CHD6: variants seen among roughly 807,000 people sequenced by gnomAD.
CHD6 encodes the protein chromodomain helicase DNA binding protein 6, also known as ATP-dependent chromatin remodeler CHD6.
CHD6 carries 50 observed loss-of-function variants against 276.9 expected under a neutral mutation model. That is an observed-to-expected ratio of 0.18 (90% CI 0.14 to 0.23). The LOEUF is 0.23. Ranked by LOEUF, CHD6 falls within the 10% of genes least tolerant of loss-of-function variation. The pLI is 1.00. For synonymous variants in CHD6, 1,173 were observed against 1,229.3 expected (o/e 0.95, Z 0.96); for missense variants, 2,564 against 3,365.8 (o/e 0.76, Z 5.89).
chr20:41,484,564 C>T lies in CHD6; in HGVS notation c.2045G>A (p.Arg682Gln). The change falls in exon 15 of 37, where the codon CGG (arginine) becomes CAG (glutamine). Residue 682 changes from arginine to glutamine, a missense_variant. Physicochemically the swap from Arg to Gln is conservative, Grantham distance 43 (BLOSUM62 1). Coordinates refer to ENST00000373233, the MANE Select transcript of CHD6 (RefSeq NM_032221.5). ...GTTCTTTTCCACATCATCTTTCAGC[C>T]GCCGAAGCATCATTGGTTTTAGGAT... ...QSILKPMMLR[R>Q]LKDDVEKNLA... The T allele has an allele frequency of 6.2e-7, 1 of 1,613,760 alleles. No homozygotes were observed. Among genetic ancestry groups the T allele is most frequent in the Non-Finnish European group, 8.5e-7 (1 of 1,179,826 alleles).
intron 32 of CHD6, among the ~76,000 whole-genome samples, 186 bp downstream of exon 32, chr20:41,417,012 A>G (rs773570762): frequency 1.3e-5 from 2 of 152,244 alleles, no homozygotes; most frequent in African/African-American, 4.8e-5. Context: ...TGACACCTTC[A>G]TCTTACAGTC....
intron 12 of CHD6, 81 bp downstream of exon 12, chr20:41,489,697 T>G: frequency 1.3e-6 from 2 of 1,569,482 alleles, no homozygotes. Flanking sequence ...TGCAGGGCAC[T>G]GGAACTTCTG....
At chr20:41,527,866 G>A (rs1192078685) in intron 3 of CHD6, among the ~76,000 whole-genome samples, 1 of 152,150 alleles carries the variant, frequency 6.6e-6, no homozygotes, top group South Asian at 2.1e-4. Context: ...GATGAATATT[G>A]TTATCACAGG....
intron 17 of CHD6, among the ~76,000 whole-genome samples, chr20:41,468,185 G>A (rs938113244): frequency 6.7e-6 from 1 of 149,862 alleles, no homozygotes; most frequent in Non-Finnish European, 1.5e-5. Context: ...TCTTGGCTCA[G>A]TGCAACCTCC....
intron 5 of CHD6, among the ~76,000 whole-genome samples, chr20:41,501,890 AAC>A (rs61483629): frequency 0.23 from 34,686 of 152,024 alleles, 4,095 homozygotes; most frequent in East Asian, 0.39. Flanking sequence ...TTTTCCTGAT[AAC>A]AGAGGATGCT....
intron 1 of CHD6, among the ~76,000 whole-genome samples, chr20:41,573,608 G>C (rs1231501394): frequency 6.6e-6 from 1 of 152,058 alleles, no homozygotes; most frequent in Non-Finnish European, 1.5e-5. Context: ...AGAGGGTTAA[G>C]ACCTATGATC....
At chr20:41,566,688 C>T (rs1230465049) in intron 1 of CHD6, among the ~76,000 whole-genome samples, 1 of 152,198 alleles carries the variant, frequency 6.6e-6, no homozygotes. Flanking sequence ...CCTCTTGGTA[C>T]TACAAAGCCT....
intron 1 of CHD6, among the ~76,000 whole-genome samples, chr20:41,585,260 T>C (rs1045245890): frequency 2.0e-5 from 3 of 151,992 alleles, no homozygotes; most frequent in African/African-American, 7.2e-5. Flanking sequence ...TCCCAGCACT[T>C]TGGGAGGCCG....
chr20:41,576,333 C>T (rs914603142), intron 1 of CHD6, among the ~76,000 whole-genome samples: 8 of 152,298 alleles, frequency 5.3e-5, no homozygotes, highest in Middle Eastern at 3.4e-3. Context: ...ATATATGTAG[C>T]GAATCAATCC....
intron 1 of CHD6, chr20:41,564,214 C>CTA: frequency 1.6e-6 from 1 of 612,420 alleles, no homozygotes; most frequent in East Asian, 2.8e-5. Context: ...ATAGCTTAAA[C>CTA]ATGTTTTGGG....
chr20:41,604,267 G>C, intron 1 of CHD6, among the ~76,000 whole-genome samples: 1 of 152,184 alleles, frequency 6.6e-6, no homozygotes, highest in Non-Finnish European at 1.5e-5. Context: ...TGGAAAAATA[G>C]ATTCTAGAGT....
Position 41,488,477 on chromosome 20 carries a change from A to C in CHD6, c.1808T>G (p.Leu603Arg). ...CAGAAGTTTGCAGTTCCTATTCTTC[A>C]GTCTGTGGGCTTCATCAATTATCAC... ...SCVIIDEAHR[L>R]KNRNCKLLEG... Residue 603 changes from leucine to arginine, a missense_variant, in exon 13 of 37, where the codon CTG becomes CGG. Physicochemically the swap from Leu to Arg is moderately radical, Grantham distance 102 (BLOSUM62 -2). Around this residue, in one of 7 missense-constraint regions of CHD6, gnomAD observed 457 missense variants for 889.0 expected, o/e 0.51. Coordinates refer to ENST00000373233, the MANE Select transcript of CHD6 (RefSeq NM_032221.5). The C allele has an allele frequency of 6.2e-7, 1 of 1,614,002 alleles. No individual in the cohort carries two copies.
At chr20:41,480,359 AG>A (rs2043266585) in intron 16 of CHD6, among the ~76,000 whole-genome samples, 1 of 152,216 alleles carries the variant, frequency 6.6e-6, no homozygotes, top group African/African-American at 2.4e-5. Context: ...ACCAGGGTAA[AG>A]TTTGCTGCTG....
At chr20:41,529,937 C>T (rs1436093483) in intron 3 of CHD6, among the ~76,000 whole-genome samples, 1 of 152,146 alleles carries the variant, frequency 6.6e-6, no homozygotes, top group East Asian at 1.9e-4. Context: ...ATATTTTATT[C>T]CCAAGGACTG....
chr20:41,617,950 G>A (rs1346068245), intron 1 of CHD6, among the ~76,000 whole-genome samples: 4 of 146,618 alleles, frequency 2.7e-5, no homozygotes, highest in Admixed American at 2.0e-4. Flanking sequence ...CCCGCCCCGG[G>A]GGGGGCCTCG....
intron 5 of CHD6, among the ~76,000 whole-genome samples, chr20:41,512,353 T>C (rs953779110): frequency 6.6e-6 from 1 of 151,994 alleles, no homozygotes; most frequent in East Asian, 1.9e-4. Context: ...GTAAGTGCTT[T>C]AAGGAAGTAC....
chr20:41,584,783 A>AT (rs1352272388), intron 1 of CHD6, among the ~76,000 whole-genome samples: 3 of 152,124 alleles, frequency 2.0e-5, no homozygotes, highest in Non-Finnish European at 2.9e-5. Flanking sequence ...CAACATGAAA[A>AT]TTTACAGAAT....
In CHD6 at chr20:41,469,514, G is replaced by A. The variant is rs570973298; in HGVS notation, c.2664+3808C>T. On this transcript the variant is annotated intron_variant, in intron 17 of 36. Transcript: ENST00000373233. ...GTGGCCTACTCCTAAGAAGAAAGAA[G>A]ACAAAAACCCAGTTTTTCCTTTGTC... Among the ~76,000 whole-genome samples, 10 of 152,282 alleles carry A rather than the reference G, an allele frequency of 6.6e-5. 1 individual carries two copies. The highest frequency in any genetic ancestry group is 2.4e-4 in the African/African-American group (10 of 41,564).
At chr20:41,456,489 A>G (rs1001028148) in intron 18 of CHD6, among the ~76,000 whole-genome samples, 1 of 152,134 alleles carries the variant, frequency 6.6e-6, no homozygotes, top group Non-Finnish European at 1.5e-5. Context: ...TGGGGTCCCA[A>G]ACACCCTTTT....
Sources: allele counts gnomAD v4.1 joint callset (sites outside exome capture counted in the v4.1 genomes callset), GRCh38; gene constraint gnomAD v4.1.1; regional missense constraint gnomAD v4.1.1; transcripts MANE v1.5; gene names NCBI Gene and HGNC (gene_info 2026-07-23, HGNC 2026-07-21).